UBOX5: variants seen among roughly 807,000 people sequenced by gnomAD.
The protein encoded by UBOX5 is RING finger protein 37.
In UBOX5, 28 loss-of-function variants were observed where a neutral mutation model predicts 39.0. The observed-to-expected ratio is 0.72, with a 90% CI of 0.53 to 0.98. The LOEUF is 0.98. Ranked by LOEUF, UBOX5 falls within the 50% of genes least tolerant of loss-of-function variation. UBOX5 has a pLI of 0.00. For synonymous variants in UBOX5, 283 were observed against 275.5 expected, an observed-to-expected ratio of 1.03 and a Z score of -0.27; for missense variants, 585 against 674.4, an observed-to-expected ratio of 0.87 and a Z score of 1.47.
At chr20:3,156,325 G>A (rs572866870) in intron 1 of UBOX5, among the ~76,000 whole-genome samples, 2 of 151,878 alleles carry the variant, frequency 1.3e-5, no homozygotes, top group Non-Finnish European at 2.9e-5. Flanking sequence ...AAAGGCTCAC[G>A]CCAACATGCC....
chr20:3,120,593 C>G (rs2066327440), intron 3 of UBOX5, among the ~76,000 whole-genome samples: 1 of 150,912 alleles, frequency 6.6e-6, no homozygotes, highest in Admixed American at 6.6e-5. Flanking sequence ...TTGCAGTGAG[C>G]CGAGATCATG....
In UBOX5 at chr20:3,122,101, C is replaced by A. The variant is rs200061983; in HGVS notation, c.538G>T (p.Val180Leu). Residue 180 changes from valine (V) to leucine (L), a missense_variant, in exon 3 of 5, where the codon GTG (valine) becomes TTG (leucine). Physicochemically the swap from Val to Leu is conservative, Grantham distance 32. Coordinates refer to ENST00000217173, the MANE Select transcript of UBOX5 (RefSeq NM_014948.4). Reference protein sequence around the residue: ...VAHLRICITHVTGGGIPCIKR... With the variant: ...VAHLRICITHLTGGGIPCIKR... The stretch of plus-strand genomic sequence containing the variant: ...ATACAAGGGATACCGCCGCCTGTCA[C>A]ATGGGTGATACAGATCCTTAAGTGG... 4.3e-6 allele frequency: 7 copies of A among 1,614,256 alleles called. No individual in the cohort carries two copies. The East Asian group carries it at 1.3e-4, about 31-fold the overall frequency.
intron 1 of UBOX5, among the ~76,000 whole-genome samples, chr20:3,126,575 G>C (rs2066390575): frequency 1.3e-5 from 2 of 150,258 alleles, no homozygotes; most frequent in Non-Finnish European, 3.0e-5. Context: ...AAGTAAGTTG[G>C]GCAGGGACAG....
rs1461185916 is a variant in UBOX5, at chr20:3,108,926, C to T, written c.*1180G>A. The stretch of plus-strand genomic sequence containing the variant: ...CAAGCTTGGGCAACAGAGACCAACC[C>T]TGTCTCAATTAAAAAAAAAAAAAAA... On this transcript the variant is annotated 3_prime_UTR_variant, in exon 5 of 5. Transcript: ENST00000217173. 2 of 138,756 alleles carry T rather than the reference C, an allele frequency of 1.4e-5. No homozygotes were observed. Among genetic ancestry groups the T allele is most frequent in the African/African-American group, 2.7e-5 (1 of 37,468 alleles). The allele number at this position is 138,756 out of a possible 1,614,324, so 8.6% of individuals were successfully genotyped here.
chr20:3,127,194 T>C (rs570335959), intron 1 of UBOX5, among the ~76,000 whole-genome samples: 29 of 152,230 alleles, frequency 1.9e-4, no homozygotes, highest in African/African-American at 7.0e-4. Flanking sequence ...AACTCCTTGG[T>C]GAGGCCAGCC....
intron 1 of UBOX5, among the ~76,000 whole-genome samples, chr20:3,130,931 A>C (rs1164182110): frequency 6.6e-6 from 1 of 152,120 alleles, no homozygotes; most frequent in Non-Finnish European, 1.5e-5. Flanking sequence ...GTTTGTGCCC[A>C]TTAGAAAATG....
chr20:3,151,925 T>C (rs2066629547), intron 1 of UBOX5: 1 of 150,414 alleles, frequency 6.6e-6, no homozygotes, highest in Non-Finnish European at 1.5e-5. Context: ...GCCATCATGG[T>C]GAAACCCTAT....
At chr20:3,147,926 G>C in intron 1 of UBOX5, 1 of 1,614,250 alleles carries the variant, frequency 6.2e-7, no homozygotes, top group African/African-American at 1.3e-5. Context: ...AATTCGCTGA[G>C]GAGCTATCTC....
chr20:3,150,947 A>G (rs148795630), intron 1 of UBOX5: 1 of 152,260 alleles, frequency 6.6e-6, no homozygotes, highest in Non-Finnish European at 1.5e-5. Context: ...TAGTGGCATG[A>G]TAACTGCAGC....
chr20:3,128,414 C>T (rs1288876525), intron 1 of UBOX5, among the ~76,000 whole-genome samples: 1 of 152,206 alleles, frequency 6.6e-6, no homozygotes, highest in Admixed American at 6.5e-5. Context: ...AGACAATATG[C>T]TACTGACATA....
chr20:3,153,320 G>T (rs1288485191), intron 1 of UBOX5, among the ~76,000 whole-genome samples: 1 of 152,236 alleles, frequency 6.6e-6, no homozygotes, highest in Non-Finnish European at 1.5e-5. Flanking sequence ...GATCCAAGAT[G>T]GAAATAACCA....
Position 3,121,406 on chromosome 20 carries a change from C to T in UBOX5, c.1233G>A (p.Leu411=). Residue 411 remains leucine, a synonymous_variant, in exon 3 of 5, where the codon CTG becomes CTA. Transcript: ENST00000217173. ...TACCTGTCGAGCAGTCCATATGTGT[C>T]AGGCTGGGCTCATTGGTGGCTTTCA... ...KKMKATNEPS[L]THMDCSTGPL... is the part of the protein sequence containing the mutation. 6.2e-7 allele frequency: 1 copy of T among 1,612,982 alleles called. No homozygotes were observed. Among genetic ancestry groups the T allele is most frequent in the Non-Finnish European group, 8.5e-7 (1 of 1,179,346 alleles).
At chr20:3,114,328 G>A (rs1378288872) in intron 4 of UBOX5, among the ~76,000 whole-genome samples, 2 of 151,992 alleles carry the variant, frequency 1.3e-5, no homozygotes, top group African/African-American at 4.8e-5. Flanking sequence ...GGAAACTGAA[G>A]AGGGACCACC....
intron 4 of UBOX5, among the ~76,000 whole-genome samples, chr20:3,113,244 C>A (rs748823121): frequency 6.8e-6 from 1 of 147,002 alleles, no homozygotes; most frequent in Non-Finnish European, 1.5e-5. Context: ...GCCGAGATTG[C>A]GCCATTGTAC....
At chr20:3,143,395 C>A (rs1170677364) in intron 1 of UBOX5, among the ~76,000 whole-genome samples, 2 of 151,794 alleles carry the variant, frequency 1.3e-5, no homozygotes, top group South Asian at 2.1e-4. Flanking sequence ...AGCCGCCATG[C>A]CTGATTAATC....
At chr20:3,158,274 G>C (rs1010006793) in intron 1 of UBOX5, among the ~76,000 whole-genome samples, 2 of 151,412 alleles carry the variant, frequency 1.3e-5, no homozygotes, top group Non-Finnish European at 2.9e-5. Flanking sequence ...CCTGACCTTA[G>C]AATTATTTTA....
chr20:3,117,621 T>C, intron 3 of UBOX5, among the ~76,000 whole-genome samples: 1 of 152,064 alleles, frequency 6.6e-6, no homozygotes, highest in Admixed American at 6.6e-5. Flanking sequence ...GAGGCAGAGG[T>C]TGCAGTGAGC....
At chr20:3,143,655 C>T (rs1329338858) in intron 1 of UBOX5, among the ~76,000 whole-genome samples, 1 of 151,980 alleles carries the variant, frequency 6.6e-6, no homozygotes, top group Non-Finnish European at 1.5e-5. Context: ...ATTAGCTGGG[C>T]GTGGTGGCAG....
chr20:3,110,987 C>T (rs1046022271), intron 4 of UBOX5, among the ~76,000 whole-genome samples: 6 of 152,212 alleles, frequency 3.9e-5, no homozygotes. Context: ...GCCCTGCAGC[C>T]TGCAGCCCCC....
Sources: gnomAD v4.1 joint callset for allele counts (sites outside exome capture counted in the v4.1 genomes callset) on GRCh38, gnomAD v4.1.1 for gene constraint, MANE v1.5 for transcripts, NCBI Gene and HGNC (gene_info 2026-07-23, HGNC 2026-07-21) for gene names.